Variants in RABGAP1L observed in about 807,000 individuals in gnomAD.
RABGAP1L encodes RAB GTPase activating protein 1 like, also known as rab GTPase-activating protein 1-like.
Under a neutral mutation model 137.7 loss-of-function variants are expected in RABGAP1L, and 63 were observed. The observed-to-expected ratio is 0.46, with a 90% CI of 0.37 to 0.56. RABGAP1L has a LOEUF of 0.56. Ranked by LOEUF, RABGAP1L falls within the 20% of genes least tolerant of loss-of-function variation. RABGAP1L has a pLI of 0.00. For synonymous variants in RABGAP1L, 431 were observed against 433.7 expected, an observed-to-expected ratio of 0.99 and a Z score of 0.08; for missense variants, 1,095 against 1,244.0, an observed-to-expected ratio of 0.88 and a Z score of 1.80.
intron 13 of RABGAP1L, among the ~76,000 whole-genome samples, chr1:174,586,496 T>A (rs535672379): frequency 6.6e-6 from 1 of 152,186 alleles, no homozygotes; most frequent in South Asian, 2.1e-4. Flanking sequence ...GACACACGTT[T>A]ACCTATGTAA....
chr1:174,547,947 A>G (rs1450230029), intron 13 of RABGAP1L: 5 of 1,550,046 alleles, frequency 3.2e-6, no homozygotes, highest in Middle Eastern at 1.7e-4. Flanking sequence ...TTGACATTAG[A>G]CTTGATGTTC....
At chr1:174,422,625 T>C (rs889907280) in intron 13 of RABGAP1L, among the ~76,000 whole-genome samples, 1 of 152,098 alleles carries the variant, frequency 6.6e-6, no homozygotes, top group Admixed American at 6.6e-5. Context: ...ATCAGTCAGG[T>C]AACCATTCTT....
At chr1:174,207,703 A>G (rs1004168939) in intron 1 of RABGAP1L, among the ~76,000 whole-genome samples, 1 of 152,210 alleles carries the variant, frequency 6.6e-6, no homozygotes, top group Non-Finnish European at 1.5e-5. Context: ...TAAAATAAAA[A>G]TAGACTTGGT....
intron 19 of RABGAP1L, among the ~76,000 whole-genome samples, chr1:174,840,395 G>C (rs559627136): frequency 6.6e-6 from 1 of 152,248 alleles, no homozygotes; most frequent in South Asian, 2.1e-4. Context: ...AATGCCCACA[G>C]CTGCAGATCT....
At chr1:174,937,966 C>G (rs1665190816) in intron 19 of RABGAP1L, among the ~76,000 whole-genome samples, 1 of 151,882 alleles carries the variant, frequency 6.6e-6, no homozygotes, top group Non-Finnish European at 1.5e-5. Context: ...CCGCCTCAGC[C>G]TCCCAAAGTG....
chr1:174,845,016 G>T (rs1261961200), intron 19 of RABGAP1L, among the ~76,000 whole-genome samples: 6 of 145,630 alleles, frequency 4.1e-5, no homozygotes, highest in Non-Finnish European at 7.6e-5. Flanking sequence ...TCATGATTTG[G>T]CTCTCTGTTT....
At chr1:174,793,928 C>G (rs1688050227) in intron 18 of RABGAP1L, among the ~76,000 whole-genome samples, 1 of 152,134 alleles carries the variant, frequency 6.6e-6, no homozygotes, top group African/African-American at 2.4e-5. Context: ...AACTCCTGAC[C>G]TCAAGCGATC....
intron 13 of RABGAP1L, among the ~76,000 whole-genome samples, chr1:174,598,300 CCTGGCAGCAGAGTGAGACT>C (rs1670131128): frequency 7.1e-6 from 1 of 141,334 alleles, no homozygotes; most frequent in South Asian, 2.2e-4. Flanking sequence ...TGCACTCCAG[CCTGGCAGCAGAGTGAGACT>C]CTGTCTCAAA....
At chr1:174,854,805 T>G (rs866434064) in intron 19 of RABGAP1L, among the ~76,000 whole-genome samples, 99 of 135,802 alleles carry the variant, frequency 7.3e-4, no homozygotes, top group African/African-American at 2.6e-3. Flanking sequence ...CGCAGTGATC[T>G]TGGCTCACTG....
At chr1:174,544,108 G>A (rs1004956928) in intron 13 of RABGAP1L, among the ~76,000 whole-genome samples, 17 of 152,230 alleles carry the variant, frequency 1.1e-4, no homozygotes, top group Admixed American at 3.9e-4. Flanking sequence ...TCTTTGTGGC[G>A]TTCTCTGTAT....
intron 19 of RABGAP1L, among the ~76,000 whole-genome samples, chr1:174,826,375 C>G (rs776710064): frequency 2.0e-5 from 3 of 152,138 alleles, no homozygotes; most frequent in Non-Finnish European, 4.4e-5. Flanking sequence ...GTGTGTGCCA[C>G]CATCCTCAGC....
chr1:174,665,315 T>TCTGC lies in RABGAP1L; in HGVS notation c.1825-18188_1825-18185dup, dbSNP rs747716450. 2.0e-4 allele frequency among the ~76,000 whole-genome samples: 30 copies of TCTGC among 152,098 alleles called. No homozygotes were observed. In the South Asian group the frequency reaches 3.9e-3, roughly 20 times the overall value. On this transcript the variant is annotated intron_variant, in intron 14 of 25. Transcript: ENST00000681986. ...ATTATTTAATTTTTTAGTGCCTTAG[T>TCTGC]CTGCCTGCCTGCCTGCCTGCCTTCC...
intron 13 of RABGAP1L, among the ~76,000 whole-genome samples, chr1:174,445,592 A>T (rs1654652487): frequency 6.6e-6 from 1 of 152,208 alleles, no homozygotes; most frequent in African/African-American, 2.4e-5. Flanking sequence ...TGGAGAGATT[A>T]GTAAATGATT....
At chr1:174,864,565 C>T (rs1650876991) in intron 19 of RABGAP1L, among the ~76,000 whole-genome samples, 1 of 152,162 alleles carries the variant, frequency 6.6e-6, no homozygotes, top group Non-Finnish European at 1.5e-5. Flanking sequence ...CTAAAACCAT[C>T]AGATCTCATG....
chr1:174,312,658 A>G (rs1488828620), intron 11 of RABGAP1L, among the ~76,000 whole-genome samples: 3 of 152,124 alleles, frequency 2.0e-5, no homozygotes, highest in African/African-American at 7.2e-5. Context: ...GTAGGGTATT[A>G]CCCATGAAAT....
chr1:174,508,638 G>T (rs1662050214), intron 13 of RABGAP1L, among the ~76,000 whole-genome samples: 1 of 152,150 alleles, frequency 6.6e-6, no homozygotes, highest in Non-Finnish European at 1.5e-5. Flanking sequence ...AAGTGCTAGA[G>T]AAATTGTTAT....
At chr1:174,273,274 A>G (rs2148663807) in intron 8 of RABGAP1L, among the ~76,000 whole-genome samples, 1 of 152,022 alleles carries the variant, frequency 6.6e-6, no homozygotes, top group Admixed American at 6.6e-5. Flanking sequence ...ATCAATACTG[A>G]TTTTATAGCA....
chr1:174,590,283 TA>T (rs1669489943), intron 13 of RABGAP1L, among the ~76,000 whole-genome samples: 1 of 150,900 alleles, frequency 6.6e-6, no homozygotes. Flanking sequence ...TATGAGACTG[TA>T]AAGTTATTTT....
At chr1:174,906,871 G>A (rs1182807425) in intron 19 of RABGAP1L, among the ~76,000 whole-genome samples, 1 of 147,846 alleles carries the variant, frequency 6.8e-6, no homozygotes, top group Non-Finnish European at 1.5e-5. Flanking sequence ...GCCATGAGGG[G>A]ATGAAGTGAC....
Sources: gnomAD v4.1 joint callset for allele counts (sites outside exome capture counted in the v4.1 genomes callset) on GRCh38, gnomAD v4.1.1 for gene constraint, MANE v1.5 for transcripts, NCBI Gene and HGNC (gene_info 2026-07-23, HGNC 2026-07-21) for gene names.